ALMS1: variants seen among roughly 807,000 people sequenced by gnomAD.
The protein encoded by ALMS1 is ALMS1 centrosome and basal body associated protein.
Under a neutral mutation model 352.2 loss-of-function variants are expected in ALMS1, and 271 were observed. The observed-to-expected ratio is 0.77, with a 90% CI of 0.70 to 0.85. ALMS1 has a LOEUF of 0.85. Among genes scored for constraint, ALMS1 ranks in the 40% least tolerant of loss-of-function variants. ALMS1 has a pLI of 0.00. For missense variants in ALMS1, 5,445 were observed against 4,870.7 expected, an observed-to-expected ratio of 1.12 and a Z score of -3.51; for synonymous variants, 1,865 against 1,761.2, an observed-to-expected ratio of 1.06 and a Z score of -1.48.
chr2:73,602,250 G>A lies in ALMS1; in HGVS notation c.12180G>A (p.Lys4060=). The A allele has an allele frequency of 6.2e-7, 1 of 1,614,182 alleles. No individual in the cohort carries two copies. The highest frequency in any genetic ancestry group is 8.5e-7 in the Non-Finnish European group (1 of 1,180,022). ...CTGGGGAGCGGATAAAGCGCCTGAA[G>A]TTAATAGTCCAGGAGAGGAAGCTGC... ...SRSGERIKRL[K]LIVQERKLQS... Residue 4060 remains lysine (K), a synonymous_variant, in exon 20 of 23, where the codon AAG becomes AAA. Transcript: ENST00000613296.
At chr2:73,423,682 A>G (rs1034440556) in intron 4 of ALMS1, among the ~76,000 whole-genome samples, 4 of 152,204 alleles carry the variant, frequency 2.6e-5, no homozygotes, top group South Asian at 2.1e-4. Flanking sequence ...AAAGTGATCT[A>G]TACACATTAG....
intron 8 of ALMS1, among the ~76,000 whole-genome samples, chr2:73,454,862 C>T (rs1672027152): frequency 6.6e-6 from 1 of 151,974 alleles, no homozygotes; most frequent in African/African-American, 2.4e-5. Context: ...GTAGCAGGAA[C>T]TAAAGGGAGA....
At chr2:73,522,798 C>G (rs562360760) in intron 11 of ALMS1, among the ~76,000 whole-genome samples, 1 of 152,066 alleles carries the variant, frequency 6.6e-6, no homozygotes, top group African/African-American at 2.4e-5. Flanking sequence ...CTTGACTGGA[C>G]TTTCTTTAGA....
At position 73,473,682 on chromosome 2, in the gene ALMS1, C is replaced by T. The variant is rs540265343; in HGVS notation, c.7675-15952C>T. On this transcript the variant is annotated intron_variant, in intron 9 of 22. Transcript: ENST00000613296. ...ATTTCCCACCAAAAAGAAATATCGA[C>T]AAAGAGAAATTATAAAAAGGAAACA... is the stretch of plus-strand genomic sequence containing the variant. 1.7e-4 allele frequency among the ~76,000 whole-genome samples: 25 copies of T among 150,006 alleles called. No homozygotes were observed. In the East Asian group the frequency reaches 4.5e-3, roughly 27 times the overall value.
At chr2:73,579,063 C>CTTTTTTTTTTTTTTTTTTTTTTTTTTT (rs372240184) in intron 16 of ALMS1, among the ~76,000 whole-genome samples, 7 of 119,138 alleles carry the variant, frequency 5.9e-5, no homozygotes, top group African/African-American at 1.3e-4. Context: ...CTCCTTTATT[C>CTTTTTTTTTTTTTTTTTTTTTTTTTTT]TTTTTTTATT....
intron 13 of ALMS1, among the ~76,000 whole-genome samples, chr2:73,555,375 A>G (rs972195768): frequency 6.6e-6 from 1 of 152,226 alleles, no homozygotes; most frequent in Non-Finnish European, 1.5e-5. Flanking sequence ...ATGAAGAGGA[A>G]CTATTCAATA....
chr2:73,419,172 C>T lies in ALMS1; in HGVS notation c.500C>T (p.Thr167Ile). ...CLPQEMDSSQ[T>I]LDTSQTRFNV... The stretch of plus-strand genomic sequence containing the variant: ...CCTCAAGAAATGGACTCTTCCCAAA[C>T]CTTGGATACATCCCAGACTAGGTTT... The change falls in exon 3 of 23, where the codon ACC becomes ATC. Residue 167 changes from threonine to isoleucine, a missense_variant. Thr to Ile is a moderately conservative substitution (Grantham distance 89, BLOSUM62 -1). Transcript: ENST00000613296. 6.2e-7 allele frequency: 1 copy of T among 1,613,988 alleles called. No homozygotes were observed. The highest frequency in any genetic ancestry group is 8.5e-7 in the Non-Finnish European group (1 of 1,179,930).
intron 10 of ALMS1, among the ~76,000 whole-genome samples, chr2:73,494,439 G>T (rs1215427056): frequency 6.6e-6 from 1 of 152,188 alleles, no homozygotes. Context: ...TATTATTGGT[G>T]TAAAACTATA....
chr2:73,403,921 A>G (rs1365839685), intron 1 of ALMS1, among the ~76,000 whole-genome samples: 1 of 152,002 alleles, frequency 6.6e-6, no homozygotes, highest in East Asian at 1.9e-4. Flanking sequence ...TCTTTTTGAG[A>G]CAGAGTCTCA....
intron 16 of ALMS1, among the ~76,000 whole-genome samples, chr2:73,596,130 T>G (rs1016902456): frequency 5.3e-5 from 8 of 152,250 alleles, no homozygotes; most frequent in African/African-American, 1.7e-4. Flanking sequence ...TTAAACTGTT[T>G]GTCTTTTATG....
intron 12 of ALMS1, among the ~76,000 whole-genome samples, chr2:73,536,959 A>G (rs1674042524): frequency 6.6e-6 from 1 of 152,176 alleles, no homozygotes; most frequent in African/African-American, 2.4e-5. Context: ...TCAGAAATAT[A>G]GCTTTCTTTT....
chr2:73,464,563 C>T (rs1270320441), intron 9 of ALMS1, among the ~76,000 whole-genome samples: 3 of 152,162 alleles, frequency 2.0e-5, no homozygotes, highest in African/African-American at 7.2e-5. Flanking sequence ...TCTCACCACT[C>T]CTATTCAACA....
intron 8 of ALMS1, 94 bp downstream of exon 8, chr2:73,454,161 A>T (rs959619410): frequency 6.6e-7 from 1 of 1,514,696 alleles, no homozygotes; most frequent in Non-Finnish European, 8.8e-7. Context: ...CCAATGAAAA[A>T]TACAAGCAAG....
chr2:73,435,641 C>G, intron 7 of ALMS1, among the ~76,000 whole-genome samples: 1 of 151,392 alleles, frequency 6.6e-6, no homozygotes, highest in East Asian at 1.9e-4. Flanking sequence ...TGCTCTGTTG[C>G]CCAGGTTGGA....
intron 15 of ALMS1, among the ~76,000 whole-genome samples, chr2:73,571,809 A>C (rs190060914): frequency 6.6e-6 from 1 of 152,286 alleles, no homozygotes; most frequent in Admixed American, 6.5e-5. Flanking sequence ...TTTTTTAAAA[A>C]ATTTATCCAT....
chr2:73,414,740 G>A (rs1278168768), intron 2 of ALMS1, among the ~76,000 whole-genome samples: 1 of 151,622 alleles, frequency 6.6e-6, no homozygotes, highest in African/African-American at 2.4e-5. Flanking sequence ...TCATCTGGCT[G>A]TTCTCTCTCA....
chr2:73,557,146 TGTG>T, intron 13 of ALMS1, 71 bp from the exon 14 acceptor site: 1 of 1,597,968 alleles, frequency 6.3e-7, no homozygotes, highest in South Asian at 1.1e-5. Flanking sequence ...TGTTTGTAAT[TGTG>T]GGGGAGGATT....
At chr2:73,533,376 G>C (rs1005491132) in intron 11 of ALMS1, among the ~76,000 whole-genome samples, 5 of 152,200 alleles carry the variant, frequency 3.3e-5, no homozygotes, top group South Asian at 2.1e-4. Context: ...AAGTAGTCTA[G>C]AGCAGATAGC....
In ALMS1 at chr2:73,410,973, C is replaced by T. The variant is rs549512796; in HGVS notation, c.450+2226C>T. 2.0e-5 allele frequency among the ~76,000 whole-genome samples: 3 copies of T among 151,804 alleles called. No homozygotes were observed. The East Asian group carries it at 5.8e-4, about 29-fold the overall frequency. On this transcript the variant is annotated intron_variant, in intron 2 of 22. Transcript: ENST00000613296. ...CTGAGGCAAAGTAGTTAAGACAATC[C>T]CTGACCATAAAAAACATAGTACCTG...
Sources: allele counts gnomAD v4.1 joint callset (sites outside exome capture counted in the v4.1 genomes callset), GRCh38; gene constraint gnomAD v4.1.1; transcripts MANE v1.5; gene names NCBI Gene and HGNC (gene_info 2026-07-23, HGNC 2026-07-21).